Variants in AGBL1 observed in about 807,000 individuals in gnomAD.
AGBL1 encodes the protein cytosolic carboxypeptidase 4.
Under a neutral mutation model 118.9 loss-of-function variants are expected in AGBL1, and 130 were observed. The ratio of observed to expected loss-of-function variants is 1.09; its 90% confidence interval spans 0.95 to 1.26. The LOEUF (loss-of-function observed/expected upper bound fraction) is 1.26, where lower values mean the gene tolerates loss of function less well. AGBL1 is among the 50% of genes most tolerant of loss of function. The pLI, the probability that AGBL1 is intolerant of heterozygous loss-of-function variation, is 0.00. For missense variants in AGBL1, 1,584 were observed against 1,298.1 expected (o/e 1.22, Z -3.38); for synonymous variants, 555 against 478.9 (o/e 1.16, Z -2.08).
At chr15:86,205,555 C>T (rs935786879) in intron 5 of AGBL1, among the ~76,000 whole-genome samples, 1 of 152,176 alleles carries the variant, frequency 6.6e-6, no homozygotes, top group African/African-American at 2.4e-5. Context: ...TGGTTGTTAC[C>T]GTTTTGCATT....
intron 17 of AGBL1, among the ~76,000 whole-genome samples, chr15:86,301,211 C>T (rs1281011839): frequency 2.0e-5 from 3 of 152,110 alleles, no homozygotes; most frequent in African/African-American, 7.2e-5. Context: ...CATGTGGGGA[C>T]AAGTATCACT....
intron 22 of AGBL1, among the ~76,000 whole-genome samples, chr15:86,745,236 TG>T (rs1456679099): frequency 6.6e-6 from 1 of 152,084 alleles, no homozygotes; most frequent in East Asian, 1.9e-4. Context: ...TAGTATGTGA[TG>T]GGCATTGTGC....
chr15:86,582,538 G>T (rs959304844), intron 21 of AGBL1, among the ~76,000 whole-genome samples: 1 of 152,176 alleles, frequency 6.6e-6, no homozygotes, highest in East Asian at 1.9e-4. Flanking sequence ...TATAAATCAT[G>T]CTGCTATAAA....
At chr15:86,654,240 T>A (rs906395239) in intron 21 of AGBL1, among the ~76,000 whole-genome samples, 6 of 152,262 alleles carry the variant, frequency 3.9e-5, no homozygotes, top group South Asian at 2.1e-4. Flanking sequence ...TTGTTTATAA[T>A]CTCTACTCCT....
At chr15:86,846,145 T>A (rs1277176051) in intron 22 of AGBL1, among the ~76,000 whole-genome samples, 1 of 152,194 alleles carries the variant, frequency 6.6e-6, no homozygotes, top group Non-Finnish European at 1.5e-5. Context: ...TACCATCTGG[T>A]GTTATTTCTC....
rs1297938093 is a variant in AGBL1, at chr15:86,797,383, A to G, written c.3159-109704A>G. Reference sequence around the variant, plus strand: ...TCATGCTCTAAGAATAGAATGGAAAACCACGCTCATTTCAAAAAAGGAGCA... The same window carrying G: ...TCATGCTCTAAGAATAGAATGGAAAGCCACGCTCATTTCAAAAAAGGAGCA... On this transcript the variant is annotated intron_variant, in intron 22 of 22. Coordinates refer to ENST00000614907, the MANE Select transcript of AGBL1 (RefSeq NM_001386094.1). Among the ~76,000 whole-genome samples, 6 of 152,180 alleles carry G rather than the reference A, an allele frequency of 3.9e-5. No homozygotes were observed. The East Asian group carries it at 1.2e-3, about 29-fold the overall frequency.
At chr15:86,302,092 A>G (rs1208421017) in intron 17 of AGBL1, among the ~76,000 whole-genome samples, 2 of 152,052 alleles carry the variant, frequency 1.3e-5, no homozygotes, top group African/African-American at 4.8e-5. Flanking sequence ...AGGATGGTTG[A>G]ATATCTCCTT....
At chr15:86,229,499 A>G (rs143364648) in intron 6 of AGBL1, among the ~76,000 whole-genome samples, 173 of 152,268 alleles carry the variant, frequency 1.1e-3, no homozygotes, top group African/African-American at 4.0e-3. Context: ...CCTTTGATTC[A>G]AGATGAGATT....
intron 6 of AGBL1, among the ~76,000 whole-genome samples, chr15:86,244,701 C>T (rs566252018): frequency 3.3e-5 from 5 of 152,256 alleles, no homozygotes; most frequent in African/African-American, 9.6e-5. Context: ...ATGAAGGTCA[C>T]TGGGATAACC....
intron 17 of AGBL1, among the ~76,000 whole-genome samples, chr15:86,323,576 G>A (rs1023459371): frequency 2.6e-5 from 4 of 152,144 alleles, no homozygotes; most frequent in Non-Finnish European, 5.9e-5. Flanking sequence ...CTAGAGACAA[G>A]GGCATTGAAA....
intron 17 of AGBL1, among the ~76,000 whole-genome samples, chr15:86,385,123 T>C (rs4243098): frequency 0.49 from 74,812 of 151,762 alleles, 21,391 homozygotes; most frequent in East Asian, 0.8. Flanking sequence ...TAAAGTATAC[T>C]CCCAAAAGTC....
intron 7 of AGBL1, 124 bp downstream of exon 7, chr15:86,248,003 G>C (rs1597619634): frequency 5.5e-6 from 7 of 1,265,784 alleles, no homozygotes; most frequent in Middle Eastern, 1.9e-4. Context: ...TGCCTGCTAA[G>C]GGCGGATGTT....
intron 22 of AGBL1, among the ~76,000 whole-genome samples, chr15:86,744,052 A>G (rs1015466882): frequency 9.9e-5 from 15 of 152,116 alleles, no homozygotes; most frequent in Non-Finnish European, 2.1e-4. Flanking sequence ...AGGGATACAG[A>G]TACATATGCA....
intron 18 of AGBL1, among the ~76,000 whole-genome samples, chr15:86,474,435 G>A (rs775960815): frequency 1.3e-5 from 2 of 152,330 alleles, no homozygotes; most frequent in Admixed American, 6.5e-5. Flanking sequence ...TATATCCCGT[G>A]CCTGGCTCAG....
intron 18 of AGBL1, among the ~76,000 whole-genome samples, chr15:86,465,201 T>G (rs183406493): frequency 1.3e-5 from 2 of 152,302 alleles, no homozygotes; most frequent in Non-Finnish European, 2.9e-5. Flanking sequence ...TTTACTGCCA[T>G]CTCTGAACAT....
At chr15:86,324,785 A>G (rs1297848904) in intron 17 of AGBL1, among the ~76,000 whole-genome samples, 1 of 152,202 alleles carries the variant, frequency 6.6e-6, no homozygotes, top group Non-Finnish European at 1.5e-5. Context: ...AAGACATTTA[A>G]GCCAATACCC....
chr15:86,265,933 A>T (rs1191614375), intron 11 of AGBL1, among the ~76,000 whole-genome samples: 2 of 152,288 alleles, frequency 1.3e-5, no homozygotes, highest in East Asian at 3.9e-4. Flanking sequence ...GAGCCCAAGG[A>T]ATATAAATTG....
rs1248746850 is a variant in AGBL1 at position 86,269,934 on chromosome 15, G to T, written c.1854G>T (p.Leu618Phe). ...AIQVREFEYD[L>F]LVNADVNSTQ... ...TGATCTGCAGGTTCGAGTATGACTT[G>T]CTGGTCAACGCAGATGTGAATAGCA... Residue 618 changes from leucine (L) to phenylalanine (F), a missense_variant, in exon 14 of 23, where the codon TTG (leucine) becomes TTT (phenylalanine). Transcript: ENST00000614907. The T allele has an allele frequency of 2.5e-6, 4 of 1,613,632 alleles. No homozygotes were observed. Among genetic ancestry groups the T allele is most frequent in the East Asian group, 2.2e-5 (1 of 44,868 alleles).
At chr15:86,212,850 A>G (rs555527948) in intron 5 of AGBL1, among the ~76,000 whole-genome samples, 2 of 152,120 alleles carry the variant, frequency 1.3e-5, no homozygotes, top group South Asian at 2.1e-4. Context: ...GGATTTCACC[A>G]TGTTGGCCAG....
Sources: gnomAD v4.1 joint callset for allele counts (sites outside exome capture counted in the v4.1 genomes callset) on GRCh38, gnomAD v4.1.1 for gene constraint, MANE v1.5 for transcripts, NCBI Gene and HGNC (gene_info 2026-07-23, HGNC 2026-07-21) for gene names.